The following KPNA7 variants were observed in gnomAD, a reference collection of about 807,000 sequenced individuals.
KPNA7 encodes the protein importin subunit alpha-8.
KPNA7 carries 54 observed loss-of-function variants against 53.7 expected under a neutral mutation model. The ratio of observed to expected loss-of-function variants is 1.01; its 90% CI spans 0.81 to 1.26. KPNA7 has a LOEUF of 1.26. Ranked by LOEUF, KPNA7 falls within the 50% of genes most tolerant of loss-of-function variation. The pLI, the probability that KPNA7 is intolerant of heterozygous loss-of-function variation, is 0.00. For missense variants in KPNA7, 640 were observed against 644.5 expected, an observed-to-expected ratio of 0.99 and a Z score of 0.07; for synonymous variants, 276 against 259.3, an observed-to-expected ratio of 1.06 and a Z score of -0.62.
At chr7:99,174,764 T>TGGATCAAGCCCCAG (rs1272667298) in intron 10 of KPNA7, among the ~76,000 whole-genome samples, 1 of 152,126 alleles carries the variant, frequency 6.6e-6, no homozygotes, top group Non-Finnish European at 1.5e-5. Context: ...CTGGAGTTCT[T>TGGATCAAGCCCCAG]GGATCAAGCC....
chr7:99,162,855 G>A, the KPNA7 span, among the ~76,000 whole-genome samples: 7 of 151,982 alleles, frequency 4.6e-5, no homozygotes, highest in African/African-American at 1.5e-4. Flanking sequence ...TGTTGAAAAA[G>A]AATCTGTATT....
In KPNA7 at chr7:99,173,670, T is replaced by TA; in HGVS notation, c.*37dup. 2 of 1,317,492 alleles carry TA rather than the reference T, an allele frequency of 1.5e-6. No homozygotes were observed. Among genetic ancestry groups the TA allele is most frequent in the Non-Finnish European group, 2.1e-6 (2 of 936,494 alleles). The allele number at this position is 1,317,492 out of a possible 1,614,324, so 81.6% of individuals were successfully genotyped here. A position where few individuals can be genotyped will look rare whatever the true frequency, so the allele number is the denominator to read the frequency against. ...GCTGCTTCTTAAAGAAGTTATCCTT[T>TA]AGCACTGGGTTGTTGGTTTAGGAGG... On this transcript the variant is annotated 3_prime_UTR_variant, in exon 11 of 11. Coordinates refer to ENST00000327442, the MANE Select transcript of KPNA7 (RefSeq NM_001145715.3).
chr7:99,189,780 G>C (rs1789839896), intron 6 of KPNA7, among the ~76,000 whole-genome samples: 2 of 150,008 alleles, frequency 1.3e-5, no homozygotes, highest in African/African-American at 4.9e-5. Context: ...TTTTGTAGAG[G>C]AAAGTCTTGC....
upstream of KPNA7, among the ~76,000 whole-genome samples, chr7:99,212,680 A>G (rs963368691): frequency 8.6e-5 from 13 of 151,980 alleles, no homozygotes; most frequent in Non-Finnish European, 1.6e-4. Flanking sequence ...AGCTTGAGGC[A>G]GGAGTTTGAG....
At chr7:99,210,314 C>A (rs1791032342), upstream of KPNA7, among the ~76,000 whole-genome samples, 2 of 152,156 alleles carry the variant, frequency 1.3e-5, no homozygotes, top group Non-Finnish European at 2.9e-5. Flanking sequence ...TTTTAACTGT[C>A]TTCCCAGTCT....
the KPNA7 span, among the ~76,000 whole-genome samples, chr7:99,166,894 A>G: frequency 1.3e-5 from 2 of 152,236 alleles, no homozygotes; most frequent in Non-Finnish European, 2.9e-5. Flanking sequence ...CTGGGATTAC[A>G]GGCGTAAGCC....
intron 7 of KPNA7, among the ~76,000 whole-genome samples, chr7:99,185,875 C>T (rs1404158561): frequency 1.3e-5 from 2 of 152,136 alleles, no homozygotes; most frequent in African/African-American, 4.8e-5. Context: ...TCACTGCAAC[C>T]TCTGCCTCCT....
At chr7:99,196,321 T>C (rs1231312471) in intron 3 of KPNA7, among the ~76,000 whole-genome samples, 155 bp from the exon 4 acceptor site, 1 of 152,198 alleles carries the variant, frequency 6.6e-6, no homozygotes, top group African/African-American at 2.4e-5. Flanking sequence ...GAGAATATAG[T>C]CCACAGATCT....
At chr7:99,186,776 C>G (rs143621737) in intron 7 of KPNA7, among the ~76,000 whole-genome samples, 1 of 152,036 alleles carries the variant, frequency 6.6e-6, no homozygotes, top group East Asian at 1.9e-4. Flanking sequence ...AATGGCTTGT[C>G]TTATCTCATA....
intron 9 of KPNA7, among the ~76,000 whole-genome samples, chr7:99,178,599 A>C (rs941882670): frequency 1.3e-5 from 2 of 151,802 alleles, no homozygotes; most frequent in African/African-American, 4.8e-5. Context: ...ATACACAGGG[A>C]AGACTCAGAA....
At chr7:99,186,163 A>G (rs1476830119) in intron 7 of KPNA7, among the ~76,000 whole-genome samples, 1 of 152,168 alleles carries the variant, frequency 6.6e-6, no homozygotes, top group Non-Finnish European at 1.5e-5. Context: ...ATTTAATTGG[A>G]GATAATGAGA....
intron 9 of KPNA7, among the ~76,000 whole-genome samples, chr7:99,178,284 A>G (rs1303027859): frequency 1.3e-5 from 2 of 152,088 alleles, no homozygotes; most frequent in African/African-American, 2.4e-5. Flanking sequence ...TATCATAAAT[A>G]TAGGGCCGGG....
chr7:99,204,283 G>T (rs912102963), intron 2 of KPNA7, among the ~76,000 whole-genome samples: 1 of 151,924 alleles, frequency 6.6e-6, no homozygotes. Context: ...GAGGTGGGAG[G>T]ATCCCTTGAG....
intron 9 of KPNA7, among the ~76,000 whole-genome samples, chr7:99,179,574 T>A (rs1353242424): frequency 6.6e-6 from 1 of 150,678 alleles, no homozygotes; most frequent in East Asian, 1.9e-4. Context: ...TATATATATT[T>A]ATATTATTTA....
intron 7 of KPNA7, among the ~76,000 whole-genome samples, chr7:99,187,094 C>T (rs1789633778): frequency 6.6e-6 from 1 of 152,086 alleles, no homozygotes; most frequent in Non-Finnish European, 1.5e-5. Flanking sequence ...CAGGACCAGC[C>T]TGGCCAACCT....
At chr7:99,146,711 T>TAAAAAAAAA in the KPNA7 span, among the ~76,000 whole-genome samples, 1 of 70,402 alleles carries the variant, frequency 1.4e-5, no homozygotes, top group African/African-American at 5.8e-5. Flanking sequence ...GACTGTGTCT[T>TAAAAAAAAA]AAAAAAAAAA....
intron 1 of KPNA7, among the ~76,000 whole-genome samples, chr7:99,216,981 C>G (rs1791235520): frequency 6.6e-6 from 1 of 152,152 alleles, no homozygotes; most frequent in Non-Finnish European, 1.5e-5. Context: ...GCTTTCTATA[C>G]TTTTCTAGAT....
downstream of KPNA7, among the ~76,000 whole-genome samples, chr7:99,172,140 A>G (rs532552152): frequency 1.3e-5 from 2 of 152,338 alleles, no homozygotes; most frequent in South Asian, 2.1e-4. Context: ...CAAAAATTAG[A>G]TATCTACGAT....
At chr7:99,165,159 A>G in the KPNA7 span, among the ~76,000 whole-genome samples, 1 of 151,974 alleles carries the variant, frequency 6.6e-6, no homozygotes, top group Non-Finnish European at 1.5e-5. Context: ...AAAATAAAAT[A>G]AAATCTGCAG....
Sources: allele counts gnomAD v4.1 joint callset (sites outside exome capture counted in the v4.1 genomes callset), GRCh38; gene constraint gnomAD v4.1.1; transcripts MANE v1.5; gene names NCBI Gene and HGNC (gene_info 2026-07-23, HGNC 2026-07-21).